Variants in CD8B2 observed in about 807,000 individuals in gnomAD.
CD8B2 encodes CD8B family member 2.
CD8B2 carries 11 observed loss-of-function variants against 23.7 expected under a neutral mutation model. The ratio of observed to expected loss-of-function variants is 0.46; its 90% CI spans 0.29 to 0.77. The LOEUF is 0.77. CD8B2 is among the 30% of genes least tolerant of loss of function. The pLI is 0.09. For missense variants in CD8B2, 197 were observed against 270.5 expected (o/e 0.73, Z 1.91); for synonymous variants, 90 against 109.3 (o/e 0.82, Z 1.10).
intron 1 of CD8B2, among the ~76,000 whole-genome samples, chr2:106,488,210 G>T (rs1157397638): frequency 6.6e-6 from 1 of 151,706 alleles, no homozygotes; most frequent in Non-Finnish European, 1.5e-5. Flanking sequence ...AGGCCTGCCC[G>T]CCGGGGGTTC....
chr2:106,520,644 C>A (rs1229409222), intron 5 of CD8B2, among the ~76,000 whole-genome samples: 1 of 152,144 alleles, frequency 6.6e-6, no homozygotes, highest in Non-Finnish European at 1.5e-5. Context: ...ATAATCTCAG[C>A]ACTTTGGGAG....
At chr2:106,518,256 G>A (rs1679767762) in intron 5 of CD8B2, among the ~76,000 whole-genome samples, 1 of 152,188 alleles carries the variant, frequency 6.6e-6, no homozygotes, top group Non-Finnish European at 1.5e-5. Context: ...GGAAAGAAAA[G>A]AGGATTAATT....
chr2:106,539,345 A>AAT lies in CD8B2; in HGVS notation c.621-4638_621-4637dup, dbSNP rs538252236. ...GGATGAATAAGTGAGTTCAAGGGGAAATATATATATTGGTCCCAAAAGGCA... is the reference window on the plus strand; with the variant it reads ...GGATGAATAAGTGAGTTCAAGGGGAAATATATATATATTGGTCCCAAAAGGCA... On this transcript the variant is annotated intron_variant, in intron 5 of 5. Coordinates refer to the CD8B2 transcript ENST00000416057. Among the ~76,000 whole-genome samples the AAT allele has an allele frequency of 4.6e-3, 706 of 152,310 alleles. 3 individuals carry two copies. The highest frequency in any genetic ancestry group is 0.016 in the African/African-American group (656 of 41,568).
At chr2:106,535,313 T>C (rs538882346) in intron 5 of CD8B2, 2 of 152,176 alleles carry the variant, frequency 1.3e-5, no homozygotes, top group East Asian at 3.9e-4. Context: ...CAGACACTCA[T>C]TTCCAGGCCA....
intron 5 of CD8B2, among the ~76,000 whole-genome samples, chr2:106,542,407 C>T (rs1441728059): frequency 6.6e-6 from 1 of 152,030 alleles, no homozygotes; most frequent in Non-Finnish European, 1.5e-5. Context: ...TACTTAGAGT[C>T]CTTATATTAC....
At chr2:106,498,439 C>T (rs1178804680) in intron 3 of CD8B2, among the ~76,000 whole-genome samples, 21 of 152,276 alleles carry the variant, frequency 1.4e-4, no homozygotes, top group Non-Finnish European at 2.8e-4. Flanking sequence ...TGAGCCACTA[C>T]GCCTGGCCTC....
At chr2:106,533,454 G>C (rs1573351696) in intron 5 of CD8B2, among the ~76,000 whole-genome samples, 1 of 152,140 alleles carries the variant, frequency 6.6e-6, no homozygotes, top group Admixed American at 6.5e-5. Flanking sequence ...TGATGACGAG[G>C]AAAGAGTTGA....
chr2:106,492,056 T>G (rs961919987), intron 2 of CD8B2, among the ~76,000 whole-genome samples: 3 of 152,140 alleles, frequency 2.0e-5, no homozygotes, highest in Non-Finnish European at 4.4e-5. Context: ...ACAGGTGCCC[T>G]TATGTTCTCT....
At chr2:106,491,786 T>C (rs984401968) in intron 2 of CD8B2, among the ~76,000 whole-genome samples, 11 of 152,180 alleles carry the variant, frequency 7.2e-5, no homozygotes, top group Non-Finnish European at 1.3e-4. Flanking sequence ...TGACCTCAAG[T>C]GATCCACCCA....
chr2:106,509,058 G>A lies in CD8B2; in HGVS notation c.*2118G>A, dbSNP rs1202836817. 1.1e-4 allele frequency: 16 copies of A among 139,294 alleles called. No homozygotes were observed. The highest frequency in any genetic ancestry group is 3.1e-5 in the Non-Finnish European group (2 of 63,512). 8.6% of individuals were successfully genotyped at this position (139,294 alleles called of 1,614,324 possible). A position where few individuals can be genotyped will look rare whatever the true frequency, so the allele number is the denominator to read the frequency against. ...CATTCAGCACGAATTGGCCTTAGAT[G>A]CCCTGCCCCCAGACCCAGGTGTTTT... On this transcript the variant is annotated 3_prime_UTR_variant, in exon 6 of 6. Coordinates refer to ENST00000643224, the MANE Select transcript of CD8B2 (RefSeq NM_001349727.2).
chr2:106,518,185 G>A (rs555238444), intron 5 of CD8B2, among the ~76,000 whole-genome samples: 4 of 152,258 alleles, frequency 2.6e-5, no homozygotes, highest in Admixed American at 2.6e-4. Context: ...TGAGATGGTA[G>A]GAGGGTTCCT....
At chr2:106,502,442 T>C in intron 3 of CD8B2, 32 bp from the exon 4 acceptor site, 1 of 1,296,202 alleles carries the variant, frequency 7.7e-7, no homozygotes, top group Non-Finnish European at 1.1e-6. Flanking sequence ...AAATGTTCTG[T>C]GTTGAACACA....
At chr2:106,504,448 G>A (rs756785896) in intron 5 of CD8B2, 123 bp downstream of exon 5, 90 of 1,529,968 alleles carry the variant, frequency 5.9e-5, no homozygotes, top group African/African-American at 2.2e-4. Context: ...TCGGCCGGGC[G>A]TGGTAGTGCA....
intron 5 of CD8B2, among the ~76,000 whole-genome samples, chr2:106,506,042 A>T (rs1280377750): frequency 1.3e-5 from 2 of 152,084 alleles, no homozygotes; most frequent in Non-Finnish European, 2.9e-5. Flanking sequence ...GGCTGAGGTA[A>T]GAGAATCGCT....
chr2:106,525,001 G>A (rs1319769900), intron 5 of CD8B2, among the ~76,000 whole-genome samples: 1 of 152,180 alleles, frequency 6.6e-6, no homozygotes, highest in African/African-American at 2.4e-5. Flanking sequence ...CTGCTTTTTA[G>A]ATGTCTTGCC....
intron 1 of CD8B2, 64 bp from the exon 2 acceptor site, chr2:106,490,810 A>T: frequency 6.5e-7 from 1 of 1,538,672 alleles, no homozygotes; most frequent in Non-Finnish European, 8.7e-7. Context: ...ACTCAGTGTG[A>T]CTGCGAGGTC....
intron 5 of CD8B2, among the ~76,000 whole-genome samples, chr2:106,537,546 T>A (rs1680108466): frequency 6.6e-6 from 1 of 152,206 alleles, no homozygotes; most frequent in South Asian, 2.1e-4. Flanking sequence ...CTTGCACAGA[T>A]TTCTCATTTG....
rs1450687623 is a variant in CD8B2, at chr2:106,509,754, C to T, written c.*2814C>T. On this transcript the variant is annotated 3_prime_UTR_variant, in exon 6 of 6. Coordinates refer to ENST00000643224, the MANE Select transcript of CD8B2 (RefSeq NM_001349727.2). ...TGAAGAAGGAACTGAGCTGCTACTA[C>T]ACTCTATAGGGCCATTATGATGAAA... 2.0e-5 allele frequency: 3 copies of T among 152,192 alleles called. No individual in the cohort carries two copies. The highest frequency in any genetic ancestry group is 2.1e-4 in the South Asian group (1 of 4,826). The allele number at this position is 152,192 out of a possible 1,614,324, so 9.4% of individuals were successfully genotyped here. A position where few individuals can be genotyped will look rare whatever the true frequency, so the allele number is the denominator to read the frequency against.
chr2:106,506,934 C>T lies in CD8B2; in HGVS notation c.627C>T (p.Tyr209=). 6.3e-7 allele frequency: 1 copy of T among 1,598,044 alleles called. No homozygotes were observed. The highest frequency in any genetic ancestry group is 2.2e-5 in the East Asian group (1 of 44,750). The part of the protein sequence containing the change: ...RARLRFMKQF[Y]K ...AACTTGCTGTTGTTTTCAGATTTTA[C>T]AAATGAGCAGAGAATACGGTTTTGG... The change falls in exon 6 of 6, where the codon TAC becomes TAT. Residue 209 remains tyrosine, a synonymous_variant. Coordinates refer to ENST00000643224, the MANE Select transcript of CD8B2 (RefSeq NM_001349727.2).
Sources: gnomAD v4.1 joint callset for allele counts (sites outside exome capture counted in the v4.1 genomes callset) on GRCh38, gnomAD v4.1.1 for gene constraint, MANE v1.5 for transcripts, NCBI Gene and HGNC (gene_info 2026-07-23, HGNC 2026-07-21) for gene names.